Variants in LRMDA observed in about 807,000 individuals in gnomAD.
LRMDA encodes leucine-rich melanocyte differentiation-associated protein.
In LRMDA, 18 loss-of-function variants were observed where a neutral mutation model predicts 29.8. The ratio of observed to expected loss-of-function variants is 0.60; its 90% CI spans 0.42 to 0.90. The LOEUF is 0.90. LRMDA is among the 40% of genes least tolerant of loss of function. The probability of loss-of-function intolerance (pLI) is 0.00; values close to 1 mark genes in which losing one functional copy is unlikely to be tolerated. For synonymous variants in LRMDA, 125 were observed against 109.4 expected (o/e 1.14, Z -0.89); for missense variants, 273 against 273.9 (o/e 1.00, Z 0.02).
At chr10:76,491,463 G>GT (rs916789257) in intron 6 of LRMDA, among the ~76,000 whole-genome samples, 14 of 151,622 alleles carry the variant, frequency 9.2e-5, no homozygotes, top group South Asian at 2.1e-4. Flanking sequence ...TAGCATAAAA[G>GT]TTTTTTTTCC....
At chr10:76,059,065 G>A (rs1250555558) in intron 5 of LRMDA, among the ~76,000 whole-genome samples, 2 of 152,152 alleles carry the variant, frequency 1.3e-5, no homozygotes, top group Non-Finnish European at 2.9e-5. Context: ...TGGGGCCTCT[G>A]CAGGTTTGCA....
intron 2 of LRMDA, among the ~76,000 whole-genome samples, chr10:75,441,906 G>C (rs1011362029): frequency 6.6e-6 from 1 of 152,114 alleles, no homozygotes; most frequent in Non-Finnish European, 1.5e-5. Context: ...TTTACTTTTA[G>C]GCAAGGAGTT....
intron 2 of LRMDA, among the ~76,000 whole-genome samples, chr10:75,602,193 C>A (rs567782301): frequency 5.3e-5 from 8 of 151,962 alleles, no homozygotes; most frequent in African/African-American, 1.9e-4. Context: ...AAAATAACCC[C>A]CCCCAAATAT....
intron 5 of LRMDA, among the ~76,000 whole-genome samples, chr10:76,259,098 CT>C (rs1241428141): frequency 1.3e-5 from 2 of 151,994 alleles, no homozygotes; most frequent in African/African-American, 2.4e-5. Flanking sequence ...TAAAGAGTTC[CT>C]TTTTTTCTCT....
chr10:75,712,814 C>A (rs115448301), intron 2 of LRMDA, among the ~76,000 whole-genome samples: 1 of 151,870 alleles, frequency 6.6e-6, no homozygotes, highest in African/African-American at 2.4e-5. Context: ...CCCCAGCCCC[C>A]CAACTACATT....
intron 2 of LRMDA, among the ~76,000 whole-genome samples, chr10:75,865,287 T>G (rs755657930): frequency 6.6e-6 from 1 of 152,200 alleles, no homozygotes; most frequent in Non-Finnish European, 1.5e-5. Context: ...GATAACTTTG[T>G]GGGACAGTGG....
At chr10:76,009,944 G>T (rs760433097) in intron 2 of LRMDA, among the ~76,000 whole-genome samples, 2 of 151,446 alleles carry the variant, frequency 1.3e-5, no homozygotes, top group Non-Finnish European at 2.9e-5. Context: ...AAGAGATGCC[G>T]TCAAGGTATT....
intron 2 of LRMDA, among the ~76,000 whole-genome samples, chr10:75,768,654 T>C (rs1286043113): frequency 6.6e-6 from 1 of 152,210 alleles, no homozygotes; most frequent in African/African-American, 2.4e-5. Context: ...CCAGCTTCTG[T>C]TATATTAATA....
intron 2 of LRMDA, among the ~76,000 whole-genome samples, chr10:75,522,689 C>G (rs987014679): frequency 6.6e-6 from 1 of 152,220 alleles, no homozygotes; most frequent in Admixed American, 6.5e-5. Flanking sequence ...CATGGGATTC[C>G]CATACCTTCT....
chr10:75,712,561 A>G (rs1842449586), intron 2 of LRMDA, among the ~76,000 whole-genome samples: 1 of 152,274 alleles, frequency 6.6e-6, no homozygotes, highest in East Asian at 1.9e-4. Flanking sequence ...CAAAGCAGGG[A>G]ACTGGATGTG....
intron 2 of LRMDA, among the ~76,000 whole-genome samples, chr10:75,779,503 T>G (rs1178465407): frequency 6.6e-6 from 1 of 152,094 alleles, no homozygotes; most frequent in East Asian, 1.9e-4. Context: ...TGAAGCCAAA[T>G]AAAAATACTG....
At chr10:75,572,430 G>C (rs1209314728) in intron 2 of LRMDA, among the ~76,000 whole-genome samples, 1 of 151,756 alleles carries the variant, frequency 6.6e-6, no homozygotes, top group East Asian at 1.9e-4. Context: ...GGCACCCCCG[G>C]CAGATAGAAC....
At chr10:76,345,815 T>C (rs1323654062) in intron 6 of LRMDA, among the ~76,000 whole-genome samples, 1 of 152,194 alleles carries the variant, frequency 6.6e-6, no homozygotes, top group African/African-American at 2.4e-5. Context: ...ATACACAGAA[T>C]GATATTCATT....
At chr10:75,933,631 G>A (rs1564610945) in intron 2 of LRMDA, among the ~76,000 whole-genome samples, 1 of 152,086 alleles carries the variant, frequency 6.6e-6, no homozygotes, top group Non-Finnish European at 1.5e-5. Context: ...CTAGAATGTC[G>A]TATCTAGTAC....
intron 5 of LRMDA, among the ~76,000 whole-genome samples, chr10:76,140,233 T>G (rs756545208): frequency 6.6e-6 from 1 of 152,078 alleles, no homozygotes; most frequent in Non-Finnish European, 1.5e-5. Context: ...TTTACATCTC[T>G]CAAGGGAATT....
Position 75,750,837 on chromosome 10 carries a change from C to T in LRMDA, c.132-285171C>T, listed in dbSNP as rs1174585698. Among the ~76,000 whole-genome samples the T allele has an allele frequency of 2.7e-5, 4 of 149,738 alleles. No individual in the cohort carries two copies. The East Asian group carries it at 6.0e-4, about 23-fold the overall frequency. On this transcript the variant is annotated intron_variant, in intron 2 of 6. Coordinates refer to ENST00000611255, the MANE Select transcript of LRMDA (RefSeq NM_001305581.2). Reference sequence around the variant, plus strand: ...GGCGCTCCTCACTTCCCAGACTGGGCGGCCGGGAAGAGGGGCTCCTCACAT... The same window carrying T: ...GGCGCTCCTCACTTCCCAGACTGGGTGGCCGGGAAGAGGGGCTCCTCACAT...
chr10:75,544,725 T>G (rs1393250117), intron 2 of LRMDA, among the ~76,000 whole-genome samples: 2 of 152,174 alleles, frequency 1.3e-5, no homozygotes, highest in Non-Finnish European at 2.9e-5. Context: ...ATCTCTATAA[T>G]AAGCAATGTT....
rs189193962 is a variant in LRMDA, at chr10:75,580,179, T to A, written c.131+141685T>A. 6.6e-5 allele frequency among the ~76,000 whole-genome samples: 10 copies of A among 152,326 alleles called. 1 individual carries two copies. The highest frequency in any genetic ancestry group is 2.4e-4 in the African/African-American group (10 of 41,570). ...ATTGTACAGTTAGAAAATCCCATTG[T>A]CTCAGCCCAAAATCTCCTTAAGCTG... On this transcript the variant is annotated intron_variant, in intron 2 of 6. Transcript: ENST00000611255.
At chr10:75,581,417 C>G (rs1012954849) in intron 2 of LRMDA, among the ~76,000 whole-genome samples, 2 of 152,180 alleles carry the variant, frequency 1.3e-5, no homozygotes, top group African/African-American at 4.8e-5. Flanking sequence ...CAGGAAACAA[C>G]AGATGCTGAA....
Sources: allele counts gnomAD v4.1 joint callset (sites outside exome capture counted in the v4.1 genomes callset), GRCh38; gene constraint gnomAD v4.1.1; transcripts MANE v1.5; gene names NCBI Gene and HGNC (gene_info 2026-07-23, HGNC 2026-07-21).